Variants in ROBO2 observed in about 807,000 individuals in gnomAD.
ROBO2 encodes the protein roundabout homolog 2.
Under a neutral mutation model 160.8 loss-of-function variants are expected in ROBO2, and 53 were observed. That is an observed-to-expected ratio of 0.33 (90% CI 0.26 to 0.41). The LOEUF is 0.41. Among genes scored for constraint, ROBO2 ranks in the 10% least tolerant of loss-of-function variants. The probability of loss-of-function intolerance (pLI) is 1.00; values close to 1 mark genes in which losing one functional copy is unlikely to be tolerated. For missense variants in ROBO2, 1,577 were observed against 1,722.4 expected (o/e 0.92, Z 1.49); for synonymous variants, 664 against 611.7 (o/e 1.09, Z -1.26).
chr3:76,014,725 C>G (rs913880395), intron 2 of ROBO2, among the ~76,000 whole-genome samples: 1 of 152,146 alleles, frequency 6.6e-6, no homozygotes, highest in African/African-American at 2.4e-5. Flanking sequence ...CCCAGAAGTT[C>G]AAGATCAGCC....
At chr3:76,541,588 C>T (rs2082819959) in intron 2 of ROBO2, among the ~76,000 whole-genome samples, 1 of 152,184 alleles carries the variant, frequency 6.6e-6, no homozygotes, top group African/African-American at 2.4e-5. Flanking sequence ...AGCCCACAGC[C>T]TTCAGATGGC....
At chr3:77,148,013 C>G (rs142387974) in intron 2 of ROBO2, among the ~76,000 whole-genome samples, 1 of 152,204 alleles carries the variant, frequency 6.6e-6, no homozygotes, top group Non-Finnish European at 1.5e-5. Flanking sequence ...CACAGAGACG[C>G]GAGGCCTGGG....
At chr3:77,642,493 A>C (rs1303615256) in intron 24 of ROBO2, among the ~76,000 whole-genome samples, 178 bp from the exon 26 acceptor site, 1 of 152,344 alleles carries the variant, frequency 6.6e-6, no homozygotes, top group African/African-American at 2.4e-5. Context: ...TATGGCCAAA[A>C]GACAGCAGAG....
At chr3:76,500,682 T>G (rs2080411707) in intron 2 of ROBO2, among the ~76,000 whole-genome samples, 1 of 152,164 alleles carries the variant, frequency 6.6e-6, no homozygotes, top group South Asian at 2.1e-4. Context: ...CTCTCCACAT[T>G]ACTCAAAAAT....
At chr3:77,512,011 C>G (rs910733071) in intron 5 of ROBO2, among the ~76,000 whole-genome samples, 2 of 152,062 alleles carry the variant, frequency 1.3e-5, no homozygotes, top group Admixed American at 1.3e-4. Context: ...TCACCTCACC[C>G]AAACTGTGAA....
At chr3:76,526,256 TGC>T (rs2081941458) in intron 2 of ROBO2, among the ~76,000 whole-genome samples, 1 of 152,026 alleles carries the variant, frequency 6.6e-6, no homozygotes, top group South Asian at 2.1e-4. Context: ...ACAGTTCTCA[TGC>T]ACATTTCACA....
At chr3:76,720,222 C>T (rs1205684754) in intron 2 of ROBO2, among the ~76,000 whole-genome samples, 1 of 152,096 alleles carries the variant, frequency 6.6e-6, no homozygotes, top group African/African-American at 2.4e-5. Flanking sequence ...ACGAAGCAGG[C>T]CCTCAGCAGA....
intron 2 of ROBO2, among the ~76,000 whole-genome samples, chr3:76,959,907 C>A (rs547917400): frequency 1.3e-5 from 2 of 152,112 alleles, no homozygotes; most frequent in Non-Finnish European, 2.9e-5. Context: ...TCAAAATATT[C>A]TGGTGCCTAA....
At chr3:76,407,218 G>T (rs1239182425) in intron 2 of ROBO2, among the ~76,000 whole-genome samples, 1 of 151,782 alleles carries the variant, frequency 6.6e-6, no homozygotes, top group African/African-American at 2.4e-5. Flanking sequence ...TACGTAGAGA[G>T]ACCTCCCTTT....
chr3:76,045,533 C>G (rs1349589822), intron 2 of ROBO2, among the ~76,000 whole-genome samples: 1 of 151,970 alleles, frequency 6.6e-6, no homozygotes, highest in Non-Finnish European at 1.5e-5. Flanking sequence ...TAAGTAATGC[C>G]AAAATAAATA....
chr3:76,925,783 C>A (rs2076955483), intron 2 of ROBO2, among the ~76,000 whole-genome samples: 1 of 152,138 alleles, frequency 6.6e-6, no homozygotes, highest in Non-Finnish European at 1.5e-5. Flanking sequence ...GTGACCGAAA[C>A]AAGTTGTCAT....
chr3:77,396,847 C>T (rs1022111254), intron 2 of ROBO2, among the ~76,000 whole-genome samples: 28 of 151,950 alleles, frequency 1.8e-4, no homozygotes, highest in Admixed American at 1.2e-3. Flanking sequence ...CAATTTATTC[C>T]GTGATACTAT....
intron 2 of ROBO2, among the ~76,000 whole-genome samples, chr3:76,904,617 G>T (rs2075463928): frequency 6.6e-6 from 1 of 152,024 alleles, no homozygotes; most frequent in Non-Finnish European, 1.5e-5. Flanking sequence ...AAATGAGATT[G>T]ACAGTTCTCC....
chr3:76,218,362 G>T (rs1449846764), intron 2 of ROBO2, among the ~76,000 whole-genome samples: 1 of 152,144 alleles, frequency 6.6e-6, no homozygotes, highest in Non-Finnish European at 1.5e-5. Flanking sequence ...AGGAAAAGAG[G>T]AAGTCAAATT....
At chr3:75,941,375 A>G (rs1948046847) in intron 2 of ROBO2, among the ~76,000 whole-genome samples, 1 of 152,316 alleles carries the variant, frequency 6.6e-6, no homozygotes, top group African/African-American at 2.4e-5. Flanking sequence ...TGAATATGTC[A>G]GTATGTTTTC....
chr3:77,128,619 A>G (rs534095744), intron 2 of ROBO2, among the ~76,000 whole-genome samples: 1 of 152,322 alleles, frequency 6.6e-6, no homozygotes, highest in South Asian at 2.1e-4. Flanking sequence ...TGAATTACAT[A>G]AATATTTTCC....
At chr3:76,373,677 A>G (rs1292340183) in intron 2 of ROBO2, among the ~76,000 whole-genome samples, 7 of 152,004 alleles carry the variant, frequency 4.6e-5, no homozygotes, top group Admixed American at 4.6e-4. Context: ...GCTCAACAGT[A>G]TAGTCATTGA....
intron 23 of ROBO2, among the ~76,000 whole-genome samples, chr3:77,626,975 A>G (rs935615769): frequency 5.3e-5 from 8 of 152,196 alleles, no homozygotes; most frequent in Non-Finnish European, 1.0e-4. Flanking sequence ...CTCGGCCACT[A>G]AAATATTTGA....
intron 2 of ROBO2, among the ~76,000 whole-genome samples, chr3:75,990,391 C>G (rs1436403638): frequency 6.6e-6 from 1 of 152,108 alleles, no homozygotes; most frequent in Non-Finnish European, 1.5e-5. Flanking sequence ...GGCTCTGGAA[C>G]AGTAAAGGGG....
Sources: gnomAD v4.1 joint callset for allele counts (sites outside exome capture counted in the v4.1 genomes callset) on GRCh38, gnomAD v4.1.1 for gene constraint, MANE v1.5 for transcripts, NCBI Gene and HGNC (gene_info 2026-07-23, HGNC 2026-07-21) for gene names.